EML5: variants seen among roughly 807,000 people sequenced by gnomAD.
EML5 encodes the protein EMAP like 5.
Under a neutral mutation model 250.0 loss-of-function variants are expected in EML5, and 120 were observed. The ratio of observed to expected loss-of-function variants is 0.48; its 90% CI spans 0.41 to 0.56. The LOEUF (loss-of-function observed/expected upper bound fraction) is 0.56, where lower values mean the gene tolerates loss of function less well. Among genes scored for constraint, EML5 ranks in the 20% least tolerant of loss-of-function variants. The pLI, the probability that EML5 is intolerant of heterozygous loss-of-function variation, is 0.00. For missense variants in EML5, 2,006 were observed against 2,437.6 expected (o/e 0.82, Z 3.73); for synonymous variants, 771 against 806.5 (o/e 0.96, Z 0.75).
intron 17 of EML5, among the ~76,000 whole-genome samples, chr14:88,691,124 T>A (rs1239626784): frequency 1.3e-5 from 2 of 152,186 alleles, no homozygotes; most frequent in East Asian, 3.9e-4. Flanking sequence ...CTCAGTCTAG[T>A]AGTTGCCCCA....
chr14:88,706,154 T>C (rs1160043878), intron 11 of EML5, 105 bp downstream of exon 11: 4 of 1,091,344 alleles, frequency 3.7e-6, no homozygotes, highest in South Asian at 3.7e-5. Context: ...CAAACTACAC[T>C]GTTAACTTAT....
chr14:88,779,580 A>G lies in EML5; in HGVS notation c.197+12727T>C, dbSNP rs189909522. On this transcript the variant is annotated intron_variant, in intron 1 of 43. Transcript: ENST00000554922. ...TTCTTACCCTAATTAAAAAGCTCAAATTGTCCCATGTAGAAGTCACTTCAT... is the reference window on the plus strand; with the variant it reads ...TTCTTACCCTAATTAAAAAGCTCAAGTTGTCCCATGTAGAAGTCACTTCAT... 5.3e-5 allele frequency among the ~76,000 whole-genome samples: 8 copies of G among 152,264 alleles called. No individual in the cohort carries two copies. The East Asian group carries it at 1.5e-3, about 29-fold the overall frequency.
chr14:88,723,567 T>G (rs1031709411), intron 8 of EML5, among the ~76,000 whole-genome samples: 1 of 152,188 alleles, frequency 6.6e-6, no homozygotes, highest in African/African-American at 2.4e-5. Context: ...ATGTAGAATA[T>G]ACTTGAAAAT....
intron 1 of EML5, among the ~76,000 whole-genome samples, chr14:88,771,469 T>C (rs574520273): frequency 1.8e-4 from 28 of 152,314 alleles, no homozygotes; most frequent in Admixed American, 1.6e-3. Flanking sequence ...TCTGGAATTA[T>C]TGCTTCCTCA....
intron 1 of EML5, among the ~76,000 whole-genome samples, chr14:88,790,259 G>C (rs2094592208): frequency 6.6e-6 from 1 of 152,116 alleles, no homozygotes; most frequent in Non-Finnish European, 1.5e-5. Context: ...CTCCCTCATT[G>C]AAACTTTTCA....
At chr14:88,683,006 A>C (rs1399772824) in intron 20 of EML5, among the ~76,000 whole-genome samples, 9 of 145,022 alleles carry the variant, frequency 6.2e-5, no homozygotes, top group Admixed American at 5.5e-4. Flanking sequence ...CTCTTCTCAA[A>C]GGAACTGACT....
chr14:88,694,809 G>A (rs2093038914), intron 16 of EML5, among the ~76,000 whole-genome samples: 1 of 152,064 alleles, frequency 6.6e-6, no homozygotes, highest in Non-Finnish European at 1.5e-5. Flanking sequence ...TCCATAAAAA[G>A]CATTTATCTA....
At chr14:88,637,911 C>A (rs1463151070) in intron 32 of EML5, among the ~76,000 whole-genome samples, 2 of 152,052 alleles carry the variant, frequency 1.3e-5, no homozygotes, top group Non-Finnish European at 2.9e-5. Context: ...AAGTAGAAAA[C>A]TGTACAAAAA....
In EML5 at chr14:88,715,036, T is replaced by C. The variant is rs766100152; in HGVS notation, c.1347A>G (p.Gly449=). 1.9e-6 allele frequency: 3 copies of C among 1,613,860 alleles called. No homozygotes were observed. The highest frequency in any genetic ancestry group is 2.2e-5 in the South Asian group (2 of 91,078). ...QRYKKVGECL[G]SLSFITHLDW... ...CCAGATGAGTGATGAAACTAAGGGA[T>C]CCCAAACACTCGCCAACTTTTTTAT... is the stretch of plus-strand genomic sequence containing the variant. The change falls in exon 9 of 44, where the codon GGA becomes GGG. Residue 449 remains glycine, a synonymous_variant. Coordinates refer to ENST00000554922, the MANE Select transcript of EML5 (RefSeq NM_183387.3).
chr14:88,740,681 A>T (rs180793396), intron 4 of EML5, 109 bp from the exon 5 acceptor site: 2 of 953,516 alleles, frequency 2.1e-6, no homozygotes, highest in East Asian at 5.1e-5. Context: ...AAATTAACTA[A>T]GAAATTGCCT....
At chr14:88,750,693 A>C (rs2094080222) in intron 2 of EML5, among the ~76,000 whole-genome samples, 1 of 152,206 alleles carries the variant, frequency 6.6e-6, no homozygotes, top group Non-Finnish European at 1.5e-5. Flanking sequence ...TAGAATGAAT[A>C]ATTTATATAA....
chr14:88,732,338 C>G (rs976540434), intron 7 of EML5, among the ~76,000 whole-genome samples: 3 of 152,150 alleles, frequency 2.0e-5, no homozygotes, highest in Admixed American at 6.5e-5. Flanking sequence ...TTCCCCATTT[C>G]TTGTTTTTGT....
chr14:88,659,239 C>G (rs2091983126), intron 25 of EML5, among the ~76,000 whole-genome samples: 1 of 146,490 alleles, frequency 6.8e-6, no homozygotes, highest in Non-Finnish European at 1.5e-5. Flanking sequence ...AATGACGACT[C>G]TCTTTTTTTT....
intron 16 of EML5, among the ~76,000 whole-genome samples, chr14:88,695,036 A>G (rs1345912986): frequency 6.6e-6 from 1 of 152,142 alleles, no homozygotes; most frequent in East Asian, 1.9e-4. Context: ...TTAATATATA[A>G]TATAAGCATT....
chr14:88,651,022 G>A (rs1038933440), intron 27 of EML5, among the ~76,000 whole-genome samples: 3 of 151,938 alleles, frequency 2.0e-5, no homozygotes, highest in Admixed American at 1.3e-4. Context: ...AATAAACCAT[G>A]AACCATATTA....
chr14:88,624,995 T>C lies in EML5; in HGVS notation c.4873A>G (p.Ile1625Val). The C allele has an allele frequency of 1.2e-6, 2 of 1,613,642 alleles. No individual in the cohort carries two copies. The highest frequency in any genetic ancestry group is 1.3e-5 in the African/African-American group (1 of 75,004). Residue 1625 changes from isoleucine to valine, a missense_variant, in exon 36 of 44, where the codon ATC becomes GTC. Coordinates refer to ENST00000554922, the MANE Select transcript of EML5 (RefSeq NM_183387.3). ...GGCCTTTCCTTTCCCCCAGTCACGA[T>C]AAGTCCATCTCGCAGGGTGGTGTAC... ...AMYTTLRDGL[I>V]VTGGKERPSK...
chr14:88,731,961 A>G (rs2093765789), intron 7 of EML5, among the ~76,000 whole-genome samples: 1 of 152,182 alleles, frequency 6.6e-6, no homozygotes, highest in Non-Finnish European at 1.5e-5. Context: ...AATTCTGGAT[A>G]TCAGCCCTTT....
intron 33 of EML5, among the ~76,000 whole-genome samples, chr14:88,632,180 G>A (rs1376826804): frequency 2.6e-5 from 4 of 151,948 alleles, no homozygotes; most frequent in African/African-American, 9.7e-5. Flanking sequence ...TATGTCATAC[G>A]CCCATACCCA....
intron 7 of EML5, among the ~76,000 whole-genome samples, chr14:88,736,145 T>C (rs1220825560): frequency 6.6e-6 from 1 of 151,668 alleles, no homozygotes; most frequent in African/African-American, 2.4e-5. Flanking sequence ...GGATTACAGG[T>C]GCCCGCCACC....
Sources: gnomAD v4.1 joint callset for allele counts (sites outside exome capture counted in the v4.1 genomes callset) on GRCh38, gnomAD v4.1.1 for gene constraint, MANE v1.5 for transcripts, NCBI Gene and HGNC (gene_info 2026-07-23, HGNC 2026-07-21) for gene names.